RBPJ: variants seen among roughly 807,000 people sequenced by gnomAD.
The protein encoded by RBPJ is recombining binding protein suppressor of hairless.
A neutral mutation model predicts 67.8 loss-of-function variants in RBPJ; 9 were observed. The observed-to-expected ratio is 0.13, with a 90% CI of 0.08 to 0.23. The LOEUF (loss-of-function observed/expected upper bound fraction) is 0.23. Among genes scored for constraint, RBPJ ranks in the 10% least tolerant of loss-of-function variants. RBPJ has a pLI of 1.00. For synonymous variants in RBPJ, 198 were observed against 203.3 expected (o/e 0.97, Z 0.22); for missense variants, 305 against 595.6 (o/e 0.51, Z 5.08).
intron 1 of RBPJ, among the ~76,000 whole-genome samples, chr4:26,314,366 A>G (rs1299286086): frequency 6.6e-6 from 1 of 152,210 alleles, no homozygotes; most frequent in Non-Finnish European, 1.5e-5. Flanking sequence ...AAACTTCTAG[A>G]AATGGAATTG....
At chr4:26,278,527 T>C (rs973414267) in intron 1 of RBPJ, among the ~76,000 whole-genome samples, 1 of 152,230 alleles carries the variant, frequency 6.6e-6, no homozygotes, top group Non-Finnish European at 1.5e-5. Flanking sequence ...ATCATTTGAA[T>C]AACTATGGAC....
At chr4:26,200,000 C>T (rs895099838) in intron 1 of RBPJ, among the ~76,000 whole-genome samples, 2 of 152,144 alleles carry the variant, frequency 1.3e-5, no homozygotes, top group East Asian at 1.9e-4. Flanking sequence ...TGATGGAGGC[C>T]GGTGCCATCT....
intron 1 of RBPJ, among the ~76,000 whole-genome samples, chr4:26,269,239 ATTAT>A (rs372091669): frequency 0.019 from 2,774 of 148,944 alleles, 84 homozygotes; most frequent in African/African-American, 0.065. Context: ...TTTATTTTTT[ATTAT>A]TTATTTATTT....
At chr4:26,109,221 C>A in the RBPJ span, among the ~76,000 whole-genome samples, 4 of 149,964 alleles carry the variant, frequency 2.7e-5, no homozygotes, top group African/African-American at 9.8e-5. Context: ...GATTCTTGTG[C>A]CTTAGCCTTC....
the RBPJ span, chr4:26,113,309 GATAA>G: frequency 2.2e-6 from 1 of 461,794 alleles, no homozygotes; most frequent in Non-Finnish European, 4.2e-6. Context: ...ACTGAGTGAG[GATAA>G]ATAAACCTAC....
At chr4:26,222,089 A>G (rs1194108897) in intron 1 of RBPJ, among the ~76,000 whole-genome samples, 1 of 152,194 alleles carries the variant, frequency 6.6e-6, no homozygotes, top group Admixed American at 6.5e-5. Context: ...TGTTTTGATG[A>G]CACTCCAGTG....
At chr4:26,307,937 T>C (rs1722289478) in intron 1 of RBPJ, among the ~76,000 whole-genome samples, 2 of 152,178 alleles carry the variant, frequency 1.3e-5, no homozygotes, top group Admixed American at 1.3e-4. Flanking sequence ...CACAGGATAA[T>C]ACGAGTTATA....
At chr4:26,410,657 A>G (rs1733925713) in intron 3 of RBPJ, among the ~76,000 whole-genome samples, 2 of 152,232 alleles carry the variant, frequency 1.3e-5, no homozygotes, top group South Asian at 4.1e-4. Context: ...CTGAATAATC[A>G]TCAAAGGTTA....
intron 1 of RBPJ, among the ~76,000 whole-genome samples, chr4:26,243,550 G>T (rs561413017): frequency 1.3e-5 from 2 of 152,180 alleles, no homozygotes; most frequent in Non-Finnish European, 2.9e-5. Flanking sequence ...ACATTTGGAT[G>T]ATCTGCATAA....
chr4:26,319,412 C>T (rs551461766), upstream of RBPJ, among the ~76,000 whole-genome samples: 82 of 152,128 alleles, frequency 5.4e-4, no homozygotes, highest in African/African-American at 1.9e-3. Flanking sequence ...CGCCCTCCGC[C>T]CCGTGCTCCC....
intron 1 of RBPJ, among the ~76,000 whole-genome samples, chr4:26,219,504 T>C (rs1718830368): frequency 6.6e-6 from 1 of 152,228 alleles, no homozygotes; most frequent in Admixed American, 6.5e-5. Flanking sequence ...TAGCTGCTTC[T>C]AACCTTCATT....
At chr4:26,276,027 C>A (rs1022372593) in intron 1 of RBPJ, among the ~76,000 whole-genome samples, 8 of 151,400 alleles carry the variant, frequency 5.3e-5, no homozygotes, top group African/African-American at 1.9e-4. Context: ...GTAATCCCAG[C>A]ACTTTGGGAG....
rs1294884598 is a variant in RBPJ at position 26,289,346 on chromosome 4, C to T, written c.-166-73100C>T. Among the ~76,000 whole-genome samples the T allele has an allele frequency of 5.8e-5, 8 of 137,278 alleles. 1 individual carries two copies. The highest frequency in any genetic ancestry group is 1.2e-4 in the Non-Finnish European group (8 of 65,448). 90.1% of individuals were successfully genotyped at this position (137,278 alleles called of 152,430 possible). A position where few individuals can be genotyped will look rare whatever the true frequency, so the allele number is the denominator to read the frequency against. ...TGAGAGTGGTATGCAGGTCAAACCACTGCACTCCAGCCTCAGCGACAGAGT... is the reference window on the plus strand; with the variant it reads ...TGAGAGTGGTATGCAGGTCAAACCATTGCACTCCAGCCTCAGCGACAGAGT... On this transcript the variant is annotated intron_variant, in intron 1 of 4. Transcript: ENST00000512351.
At chr4:26,212,756 C>A (rs747800304) in intron 1 of RBPJ, among the ~76,000 whole-genome samples, 1 of 152,068 alleles carries the variant, frequency 6.6e-6, no homozygotes, top group Non-Finnish European at 1.5e-5. Flanking sequence ...AACAGACAGG[C>A]TTTGCTGGGT....
chr4:26,260,875 C>T (rs924687421), intron 1 of RBPJ, among the ~76,000 whole-genome samples: 1 of 152,178 alleles, frequency 6.6e-6, no homozygotes. Flanking sequence ...TCTGAACTCA[C>T]CATCATTCAT....
chr4:26,314,998 A>C (rs374083060), upstream of RBPJ, among the ~76,000 whole-genome samples: 704 of 151,424 alleles, frequency 4.6e-3, 4 homozygotes, highest in South Asian at 0.034. Context: ...TACAAAAATT[A>C]GCCGGGTGTG....
At chr4:26,325,028 G>C (rs1723474941) in intron 1 of RBPJ, among the ~76,000 whole-genome samples, 1 of 152,148 alleles carries the variant, frequency 6.6e-6, no homozygotes, top group African/African-American at 2.4e-5. Context: ...TTTTGCATTT[G>C]AGGAGCACTC....
chr4:26,167,100 G>A (rs1476034897), intron 1 of RBPJ, among the ~76,000 whole-genome samples: 1 of 152,050 alleles, frequency 6.6e-6, no homozygotes, highest in East Asian at 1.9e-4. Context: ...CCAGTACCAT[G>A]CTGTTTTGGT....
At chr4:26,221,342 C>A (rs767336832) in intron 1 of RBPJ, among the ~76,000 whole-genome samples, 1 of 152,094 alleles carries the variant, frequency 6.6e-6, no homozygotes, top group Admixed American at 6.6e-5. Context: ...CACCCGCCTC[C>A]GCCTCTCAAA....
Sources: gnomAD v4.1 joint callset for allele counts (sites outside exome capture counted in the v4.1 genomes callset) on GRCh38, gnomAD v4.1.1 for gene constraint, MANE v1.5 for transcripts, NCBI Gene and HGNC (gene_info 2026-07-23, HGNC 2026-07-21) for gene names.